PLCE1: variants seen among roughly 807,000 people sequenced by gnomAD.
The protein encoded by PLCE1 is 1-phosphatidylinositol 4,5-bisphosphate phosphodiesterase epsilon-1.
In PLCE1, 119 loss-of-function variants were observed where a neutral mutation model predicts 242.8. The ratio of observed to expected loss-of-function variants is 0.49; its 90% CI spans 0.42 to 0.57. PLCE1 has a LOEUF of 0.57. PLCE1 is among the 20% of genes least tolerant of loss of function. PLCE1 has a pLI of 0.00. For synonymous variants in PLCE1, 945 were observed against 1,017.4 expected (o/e 0.93, Z 1.35); for missense variants, 2,441 against 2,788.8 (o/e 0.88, Z 2.81).
rs983760520 is a variant in PLCE1 at position 94,232,927 on chromosome 10, G to A, written c.1956-1127G>A. Among the ~76,000 whole-genome samples the A allele has an allele frequency of 4.6e-5, 7 of 152,152 alleles. No individual in the cohort carries two copies. The East Asian group carries it at 5.8e-4, about 13-fold the overall frequency. ...AGTTCACGTGATCTACAGACTGCCC[G>A]GGACACAGGTCAATGTCCCCAGGGA... On this transcript the variant is annotated intron_variant, in intron 5 of 32. Coordinates refer to ENST00000371380, the MANE Select transcript of PLCE1 (RefSeq NM_016341.4).
At chr10:94,263,244 T>C (rs1339920229) in intron 14 of PLCE1, among the ~76,000 whole-genome samples, 2 of 152,040 alleles carry the variant, frequency 1.3e-5, no homozygotes, top group African/African-American at 4.8e-5. Context: ...CTGGGTGTGG[T>C]GGTTCATGCC....
intron 3 of PLCE1, among the ~76,000 whole-genome samples, chr10:94,170,508 C>T (rs550800860): frequency 2.0e-5 from 3 of 152,206 alleles, no homozygotes; most frequent in Admixed American, 6.5e-5. Context: ...CTGTCACCTT[C>T]TTGCTACCAG....
At chr10:94,159,542 T>A (rs2047542594) in intron 3 of PLCE1, among the ~76,000 whole-genome samples, 1 of 152,210 alleles carries the variant, frequency 6.6e-6, no homozygotes, top group Admixed American at 6.5e-5. Flanking sequence ...TTAAAACAAG[T>A]CTACAAAGTT....
rs533569760 is a variant in PLCE1, at chr10:94,254,250, G to A, written c.3340G>A (p.Glu1114Lys). The A allele has an allele frequency of 2.5e-6, 4 of 1,614,128 alleles. No homozygotes were observed. The African/African-American group carries it at 4.0e-5, about 16-fold the overall frequency. Residue 1114 changes from glutamate (E) to lysine (K), a missense_variant, in exon 10 of 33, where the codon GAG becomes AAG. Glu to Lys is a moderately conservative substitution (Grantham distance 56). Transcript: ENST00000371380. ...MATRKAKMHK[E>K]CRSRSGSDPQ... The stretch of plus-strand genomic sequence containing the variant: ...AACCCGAAAGGCCAAGATGCACAAA[G>A]AGTGTCGAAGCCGGAGTGGTTCTGA...
chr10:94,116,784 A>G (rs1031153487), intron 2 of PLCE1, among the ~76,000 whole-genome samples: 1 of 152,188 alleles, frequency 6.6e-6, no homozygotes, highest in Non-Finnish European at 1.5e-5. Flanking sequence ...TGAAACCCCA[A>G]ATTTACCCAG....
Position 94,254,341 on chromosome 10 carries a change from T to C in PLCE1, c.3397+34T>C, listed in dbSNP as rs576204421. ...GCATGTTTACATCTGAGATTTTTGT[T>C]TTTTAATTTTTGTGGGAAAAAAAGT... is the stretch of plus-strand genomic sequence containing the variant. On this transcript the variant is annotated intron_variant, in intron 10 of 32. Transcript: ENST00000371380. 2.1e-6 allele frequency: 3 copies of C among 1,459,488 alleles called. No individual in the cohort carries two copies. The East Asian group carries it at 6.8e-5, about 33-fold the overall frequency. 90.4% of individuals were successfully genotyped at this position (1,459,488 alleles called of 1,614,324 possible).
Position 94,245,975 on chromosome 10 carries a change from A to G in PLCE1, c.2450A>G (p.Asp817Gly). 1 of 1,614,142 alleles carries G rather than the reference A, an allele frequency of 6.2e-7. No individual in the cohort carries two copies. The highest frequency in any genetic ancestry group is 1.1e-5 in the South Asian group (1 of 91,080). ...ATAATTGGAGATTTGTTGGATTCAG[A>G]CAATGACATCTTTGAGCAATCCAAA... ...QFIIGDLLDS[D>G]NDIFEQSKEY... The change falls in exon 8 of 33, where the codon GAC (aspartate) becomes GGC (glycine). Residue 817 changes from aspartate to glycine, a missense_variant. By Grantham distance (94) the Asp-to-Gly change is moderately conservative. This residue lies in a region of PLCE1 where 733 missense variants were observed against 754.2 expected (regional missense o/e 0.97). Transcript: ENST00000371380.
At chr10:94,135,841 A>G (rs1012501685) in intron 3 of PLCE1, among the ~76,000 whole-genome samples, 4 of 152,192 alleles carry the variant, frequency 2.6e-5, no homozygotes, top group Non-Finnish European at 5.9e-5. Flanking sequence ...AGTTTTAGCC[A>G]TTTCTGAGAT....
chr10:94,064,191 G>A (rs1411259180), intron 2 of PLCE1, among the ~76,000 whole-genome samples: 4 of 152,122 alleles, frequency 2.6e-5, no homozygotes, highest in Admixed American at 2.0e-4. Flanking sequence ...TTCAACTCAA[G>A]AGTGATCACA....
At chr10:94,153,893 A>T (rs1252750980) in intron 3 of PLCE1, among the ~76,000 whole-genome samples, 1 of 152,248 alleles carries the variant, frequency 6.6e-6, no homozygotes, top group South Asian at 2.1e-4. Context: ...ACGAATGGAA[A>T]GACATCCTGT....
At chr10:94,000,348 C>T (rs989966191) in intron 1 of PLCE1, among the ~76,000 whole-genome samples, 1 of 152,162 alleles carries the variant, frequency 6.6e-6, no homozygotes, top group African/African-American at 2.4e-5. Flanking sequence ...ATCTGCATGG[C>T]CTTGTGCAAG....
chr10:94,168,138 T>C (rs2047866113), intron 3 of PLCE1, among the ~76,000 whole-genome samples: 2 of 152,080 alleles, frequency 1.3e-5, no homozygotes, highest in African/African-American at 4.8e-5. Flanking sequence ...GGACCAGGGG[T>C]CCTAGAGCTA....
rs761497086 is a variant in PLCE1, at chr10:94,330,926, T to C, written c.*2983T>C. 1 of 152,208 alleles carries C rather than the reference T, an allele frequency of 6.6e-6. No homozygotes were observed. The highest frequency in any genetic ancestry group is 2.4e-5 in the African/African-American group (1 of 41,444). The allele number at this position is 152,208 out of a possible 1,614,324, so 9.4% of individuals were successfully genotyped here. A position where few individuals can be genotyped will look rare whatever the true frequency, so the allele number is the denominator to read the frequency against. On this transcript the variant is annotated 3_prime_UTR_variant, in exon 33 of 33. Transcript: ENST00000371380. The stretch of plus-strand genomic sequence containing the variant: ...AGCAAACTCTTCTCATTAAAGTTGA[T>C]GTGGACAAGAATCTAAATATGCAAG...
At chr10:94,165,629 A>G (rs916071455) in intron 3 of PLCE1, among the ~76,000 whole-genome samples, 5 of 152,216 alleles carry the variant, frequency 3.3e-5, no homozygotes, top group African/African-American at 1.2e-4. Context: ...AAAAATCTGA[A>G]CAGGCCAAAA....
chr10:94,216,230 C>T (rs1264009645), intron 4 of PLCE1, among the ~76,000 whole-genome samples: 1 of 152,136 alleles, frequency 6.6e-6, no homozygotes, highest in Non-Finnish European at 1.5e-5. Context: ...AGGGCAAACC[C>T]AGCCAATGAT....
intron 3 of PLCE1, among the ~76,000 whole-genome samples, chr10:94,159,285 C>T (rs938234884): frequency 2.6e-5 from 4 of 152,054 alleles, no homozygotes; most frequent in South Asian, 2.1e-4. Context: ...TGTTGCAAGA[C>T]GGATTTTGTT....
intron 1 of PLCE1, among the ~76,000 whole-genome samples, chr10:94,023,014 G>A (rs1472302185): frequency 6.6e-6 from 1 of 152,098 alleles, no homozygotes; most frequent in Non-Finnish European, 1.5e-5. Context: ...AATCTGTGAG[G>A]GGGCCCTATA....
intron 16 of PLCE1, 141 bp from the exon 17 acceptor site, chr10:94,268,788 A>T: frequency 1.5e-6 from 1 of 675,468 alleles, no homozygotes; most frequent in Middle Eastern, 3.8e-4. Flanking sequence ...CAAAAATGCC[A>T]TGTTTGTTTT....
chr10:94,315,790 A>G (rs2133781346), intron 28 of PLCE1, among the ~76,000 whole-genome samples: 1 of 139,184 alleles, frequency 7.2e-6, no homozygotes, highest in Middle Eastern at 3.7e-3. Flanking sequence ...AAAAAAAAAA[A>G]GTAACTATAA....
Sources: allele counts gnomAD v4.1 joint callset (sites outside exome capture counted in the v4.1 genomes callset), GRCh38; gene constraint gnomAD v4.1.1; regional missense constraint gnomAD v4.1.1; transcripts MANE v1.5; gene names NCBI Gene and HGNC (gene_info 2026-07-23, HGNC 2026-07-21).